TAMM41: variants seen among roughly 807,000 people sequenced by gnomAD.
TAMM41 encodes the protein TAM41 mitochondrial translocator assembly and maintenance homolog.
In TAMM41, 36 loss-of-function variants were observed where a neutral mutation model predicts 44.1. That is an observed-to-expected ratio of 0.82 (90% CI 0.63 to 1.08). The LOEUF (loss-of-function observed/expected upper bound fraction) is 1.08, where lower values mean the gene tolerates loss of function less well. Ranked by LOEUF, TAMM41 falls within the 50% of genes least tolerant of loss-of-function variation. TAMM41 has a pLI of 0.00. For missense variants in TAMM41, 417 were observed against 404.3 expected, an observed-to-expected ratio of 1.03 and a Z score of -0.27; for synonymous variants, 164 against 153.1, an observed-to-expected ratio of 1.07 and a Z score of -0.53.
the TAMM41 span, among the ~76,000 whole-genome samples, chr3:11,732,694 A>G: frequency 7.2e-5 from 11 of 152,194 alleles, no homozygotes; most frequent in African/African-American, 1.9e-4. Flanking sequence ...AGGAGGTGAC[A>G]TTTGAGCTGA....
intron 4 of TAMM41, among the ~76,000 whole-genome samples, chr3:11,818,201 G>A (rs866087667): frequency 1.8e-4 from 27 of 152,208 alleles, no homozygotes; most frequent in African/African-American, 6.5e-4. Flanking sequence ...AGGGGGAGTA[G>A]AGAGGTGGCA....
At chr3:11,783,918 T>C in the TAMM41 span, among the ~76,000 whole-genome samples, 1 of 152,246 alleles carries the variant, frequency 6.6e-6, no homozygotes, top group African/African-American at 2.4e-5. Context: ...ATTTGCCTTA[T>C]TGGGTTGTGT....
rs1027005602 is a variant in TAMM41, at chr3:11,813,882, G to A, written c.708+3310C>T. Among the ~76,000 whole-genome samples, 6 of 139,660 alleles carry A rather than the reference G, an allele frequency of 4.3e-5. No individual in the cohort carries two copies. In the East Asian group the frequency reaches 8.3e-4, roughly 19 times the overall value. 91.6% of individuals were successfully genotyped at this position (139,660 alleles called of 152,430 possible). ...TATGTATGTATATATATGTATATATGTATATATGTGTATATATGTATATAT... is the reference window on the plus strand; with the variant it reads ...TATGTATGTATATATATGTATATATATATATATGTGTATATATGTATATAT... On this transcript the variant is annotated intron_variant, in intron 5 of 7. Transcript: ENST00000455809.
rs1309887081 is a variant in TAMM41 at position 11,833,683 on chromosome 3, T to C, written c.412-3819A>G. On this transcript the variant is annotated intron_variant, in intron 3 of 7. Transcript: ENST00000455809. ...AACAGTTGTCTTTTGAATAAAGAAA[T>C]GAATGACTCAATCTGTGCATTTCAA... is the stretch of plus-strand genomic sequence containing the variant. 3.3e-5 allele frequency among the ~76,000 whole-genome samples: 5 copies of C among 152,288 alleles called. No homozygotes were observed. In the East Asian group the frequency reaches 7.7e-4, roughly 24 times the overall value.
At chr3:11,807,671 C>T (rs755323515) in intron 7 of TAMM41, 162 bp downstream of exon 7, 3 of 1,536,208 alleles carry the variant, frequency 2.0e-6, no homozygotes, top group South Asian at 2.4e-5. Flanking sequence ...GGTTCTGCTG[C>T]TGTTATGCCT....
At chr3:11,748,848 A>G in the TAMM41 span, among the ~76,000 whole-genome samples, 3 of 151,190 alleles carry the variant, frequency 2.0e-5, no homozygotes, top group Non-Finnish European at 4.4e-5. Context: ...TGGAGGTCCC[A>G]GGGGTTCCTG....
At chr3:11,723,421 A>C in the TAMM41 span, among the ~76,000 whole-genome samples, 1 of 151,980 alleles carries the variant, frequency 6.6e-6, no homozygotes. Context: ...CTCTACAAAA[A>C]ATCCAAAAAT....
intron 1 of TAMM41, among the ~76,000 whole-genome samples, chr3:11,845,477 G>A (rs542083777): frequency 6.6e-5 from 10 of 152,300 alleles, no homozygotes; most frequent in Admixed American, 2.0e-4. Context: ...TGTAGAGTGT[G>A]ACTCTACAGA....
intron 4 of TAMM41, among the ~76,000 whole-genome samples, chr3:11,821,500 A>G (rs1337423431): frequency 6.6e-6 from 1 of 152,344 alleles, no homozygotes; most frequent in South Asian, 2.1e-4. Flanking sequence ...CAGTAATGCA[A>G]GTGATGGAGA....
At chr3:11,816,283 A>AACAATACCTTGAG (rs2078274076) in intron 5 of TAMM41, among the ~76,000 whole-genome samples, 3 of 152,264 alleles carry the variant, frequency 2.0e-5, no homozygotes, top group Admixed American at 2.0e-4. Flanking sequence ...TATTAATTGA[A>AACAATACCTTGAG]ACAATACCTT....
At chr3:11,737,619 C>T in the TAMM41 span, among the ~76,000 whole-genome samples, 112 of 152,192 alleles carry the variant, frequency 7.4e-4, no homozygotes, top group African/African-American at 2.5e-3. Context: ...CATGCCCAGC[C>T]AGCTTACATT....
chr3:11,726,247 AG>A, the TAMM41 span, among the ~76,000 whole-genome samples: 1 of 152,236 alleles, frequency 6.6e-6, no homozygotes, highest in Non-Finnish European at 1.5e-5. Context: ...TTCCACAAAA[AG>A]CACTGAGGAA....
At chr3:11,813,965 T>C (rs1439177613) in intron 5 of TAMM41, among the ~76,000 whole-genome samples, 2 of 142,922 alleles carry the variant, frequency 1.4e-5, no homozygotes, top group Admixed American at 1.5e-4. Context: ...TATATACATA[T>C]ACACACATAC....
chr3:11,795,994 T>C (rs1363902999), intron 7 of TAMM41, among the ~76,000 whole-genome samples: 3 of 152,158 alleles, frequency 2.0e-5, no homozygotes, highest in African/African-American at 7.2e-5. Flanking sequence ...ATTAAAACGA[T>C]TTGCTAAATA....
chr3:11,823,517 A>G (rs2078613431), intron 4 of TAMM41, among the ~76,000 whole-genome samples: 1 of 151,960 alleles, frequency 6.6e-6, no homozygotes. Flanking sequence ...TTGGCCTCCC[A>G]AAGTGTTGGG....
At chr3:11,837,287 C>G (rs1225440943) in intron 3 of TAMM41, among the ~76,000 whole-genome samples, 1 of 152,152 alleles carries the variant, frequency 6.6e-6, no homozygotes, top group Middle Eastern at 3.2e-3. Flanking sequence ...CTGGGACCCT[C>G]TCACGCACAG....
At chr3:11,774,870 A>ATGTT in the TAMM41 span, among the ~76,000 whole-genome samples, 1 of 139,288 alleles carries the variant, frequency 7.2e-6, no homozygotes, top group Non-Finnish European at 1.5e-5. Flanking sequence ...CATTGAAAGC[A>ATGTT]TTTTTTTTTT....
chr3:11,797,951 T>C (rs1197613965), intron 7 of TAMM41, among the ~76,000 whole-genome samples: 1 of 152,182 alleles, frequency 6.6e-6, no homozygotes, highest in Non-Finnish European at 1.5e-5. Context: ...CACAATGAGA[T>C]TCCATCTCAC....
rs116193036 is a variant in TAMM41, at chr3:11,840,027, C to A, written c.319-713G>T. On this transcript the variant is annotated intron_variant, in intron 2 of 7. Coordinates refer to ENST00000455809, the MANE Select transcript of TAMM41 (RefSeq NM_001284401.2). The stretch of plus-strand genomic sequence containing the variant: ...ACTCAATTGGTCCTGTTGCCCCTCC[C>A]TCAGCAAAAGGCCCACTCAGCCCAT... Among the ~76,000 whole-genome samples the A allele has an allele frequency of 5.5e-3, 839 of 152,216 alleles. 5 individuals are homozygous for A. Among genetic ancestry groups the A allele is most frequent in the Middle Eastern group, 0.024 (7 of 294 alleles).
Sources: allele counts gnomAD v4.1 joint callset (sites outside exome capture counted in the v4.1 genomes callset), GRCh38; gene constraint gnomAD v4.1.1; transcripts MANE v1.5; gene names NCBI Gene and HGNC (gene_info 2026-07-23, HGNC 2026-07-21).